The following CDH18 variants were observed in gnomAD, a reference collection of about 807,000 sequenced individuals.
The protein encoded by CDH18 is cadherin-18.
In CDH18, 31 loss-of-function variants were observed where a neutral mutation model predicts 67.9. The observed-to-expected ratio is 0.46, with a 90% CI of 0.34 to 0.62. The LOEUF (loss-of-function observed/expected upper bound fraction) is 0.62. CDH18 is among the 20% of genes least tolerant of loss of function. CDH18 has a pLI of 0.01. For missense variants in CDH18, 890 were observed against 975.5 expected (o/e 0.91, Z 1.17); for synonymous variants, 362 against 347.2 (o/e 1.04, Z -0.48).
intron 1 of CDH18, among the ~76,000 whole-genome samples, chr5:20,534,792 C>A (rs1046243255): frequency 2.6e-5 from 4 of 151,664 alleles, no homozygotes; most frequent in African/African-American, 9.7e-5. Flanking sequence ...TCCTTGATTA[C>A]TGACTTCTGA....
At chr5:19,753,363 T>C (rs758079020) in intron 3 of CDH18, among the ~76,000 whole-genome samples, 9 of 152,212 alleles carry the variant, frequency 5.9e-5, no homozygotes, top group Middle Eastern at 3.4e-3. Flanking sequence ...TCAGGAAACA[T>C]TGGACACAGA....
In CDH18 at chr5:20,071,358, G is replaced by T. The variant is rs187166025; in HGVS notation, c.-517-79344C>A. 2.0e-3 allele frequency among the ~76,000 whole-genome samples: 299 copies of T among 152,090 alleles called. 2 individuals carry two copies. Among genetic ancestry groups the T allele is most frequent in the African/African-American group, 7.0e-3 (289 of 41,524 alleles). ...AAACTCCCCCCAAACAAGGAAAAGA[G>T]ATATGTTAAAATGACACAAGCTAAA... On this transcript the variant is annotated intron_variant, in intron 2 of 14. Transcript: ENST00000507958.
At position 20,096,032 on chromosome 5, in the gene CDH18, T is replaced by C. The variant is rs1318712122; in HGVS notation, c.-517-104018A>G. Among the ~76,000 whole-genome samples, 4 of 152,026 alleles carry C rather than the reference T, an allele frequency of 2.6e-5. No individual in the cohort carries two copies. In the East Asian group the frequency reaches 5.8e-4, roughly 22 times the overall value. The stretch of plus-strand genomic sequence containing the variant: ...GCGATTTGAAAGGAGAGCTTATATA[T>C]GTTACATTAGAATCAAAGAAGCAAA... On this transcript the variant is annotated intron_variant, in intron 2 of 14. Coordinates refer to the CDH18 transcript ENST00000507958.
chr5:20,445,592 G>A (rs1366700240), intron 1 of CDH18, among the ~76,000 whole-genome samples: 1 of 152,186 alleles, frequency 6.6e-6, no homozygotes, highest in East Asian at 1.9e-4. Flanking sequence ...AAGACTGAAT[G>A]TGAAATTTCT....
At chr5:20,343,222 G>A (rs548346154) in intron 1 of CDH18, among the ~76,000 whole-genome samples, 1 of 152,164 alleles carries the variant, frequency 6.6e-6, no homozygotes, top group Non-Finnish European at 1.5e-5. Flanking sequence ...GTAGAGCCCT[G>A]GCATTGGCTA....
chr5:20,539,997 T>G (rs1270338041), intron 1 of CDH18, among the ~76,000 whole-genome samples: 1 of 152,214 alleles, frequency 6.6e-6, no homozygotes, highest in Non-Finnish European at 1.5e-5. Context: ...TTATTAAACC[T>G]AATAAACTGC....
At chr5:20,501,137 C>T (rs537353032) in intron 1 of CDH18, among the ~76,000 whole-genome samples, 49 of 152,128 alleles carry the variant, frequency 3.2e-4, no homozygotes, top group African/African-American at 1.1e-3. Context: ...AGTGACTTTA[C>T]TTCCCTTATA....
At chr5:19,859,980 T>A (rs1368230955) in intron 2 of CDH18, among the ~76,000 whole-genome samples, 3 of 95,294 alleles carry the variant, frequency 3.1e-5, no homozygotes, top group Admixed American at 2.2e-4. Context: ...AATTTACTTG[T>A]TTGCTTTGGG....
At chr5:20,570,944 T>C (rs1282209259) in intron 1 of CDH18, among the ~76,000 whole-genome samples, 2 of 152,178 alleles carry the variant, frequency 1.3e-5, no homozygotes, top group East Asian at 1.9e-4. Flanking sequence ...TCATTGATCA[T>C]AGCAACAAGA....
At chr5:19,713,022 T>C (rs183615286) in intron 5 of CDH18, among the ~76,000 whole-genome samples, 1 of 151,992 alleles carries the variant, frequency 6.6e-6, no homozygotes, top group Non-Finnish European at 1.5e-5. Flanking sequence ...CTGTTATCTA[T>C]TGATTTAATA....
intron 10 of CDH18, among the ~76,000 whole-genome samples, chr5:19,512,683 C>G (rs76495967): frequency 6.6e-6 from 1 of 152,222 alleles, no homozygotes; most frequent in African/African-American, 2.4e-5. Context: ...AGCATTGTCA[C>G]GGTTGTTGCT....
At chr5:19,698,655 A>G (rs959908554) in intron 5 of CDH18, among the ~76,000 whole-genome samples, 1 of 152,134 alleles carries the variant, frequency 6.6e-6, no homozygotes, top group African/African-American at 2.4e-5. Flanking sequence ...TACTCTTAAA[A>G]ATGGAATAGT....
At chr5:19,947,920 A>C (rs73059702) in intron 2 of CDH18, among the ~76,000 whole-genome samples, 20,614 of 152,162 alleles carry the variant, frequency 0.14, 4,063 homozygotes, top group African/African-American at 0.44. Context: ...TAAACTCTCA[A>C]ATCTCACAGT....
intron 1 of CDH18, among the ~76,000 whole-genome samples, chr5:20,389,541 C>T (rs1744643074): frequency 1.3e-5 from 2 of 151,842 alleles, no homozygotes; most frequent in South Asian, 4.2e-4. Context: ...GAGCATTTAG[C>T]CCAGAAAATG....
chr5:19,792,677 T>C (rs1486718833), intron 3 of CDH18, among the ~76,000 whole-genome samples: 2 of 152,190 alleles, frequency 1.3e-5, no homozygotes, highest in Non-Finnish European at 2.9e-5. Flanking sequence ...AGAAGTATTG[T>C]CATTGCACCA....
chr5:19,961,367 A>T (rs1796888380), intron 2 of CDH18, among the ~76,000 whole-genome samples: 1 of 152,010 alleles, frequency 6.6e-6, no homozygotes. Context: ...TCGGCCTCCC[A>T]AACCGCAAGG....
At chr5:19,992,996 G>C (rs1459783340), upstream of CDH18, among the ~76,000 whole-genome samples, 1 of 152,162 alleles carries the variant, frequency 6.6e-6, no homozygotes, top group East Asian at 1.9e-4. Context: ...CCAATAGATA[G>C]CTGTAGAGCT....
At chr5:19,670,784 C>A (rs974728768) in intron 5 of CDH18, among the ~76,000 whole-genome samples, 1 of 151,908 alleles carries the variant, frequency 6.6e-6, no homozygotes, top group South Asian at 2.1e-4. Context: ...GACAAATGAC[C>A]ATTAATGTAT....
intron 5 of CDH18, among the ~76,000 whole-genome samples, chr5:19,642,065 G>A (rs1754080510): frequency 6.6e-6 from 1 of 151,796 alleles, no homozygotes; most frequent in Admixed American, 6.6e-5. Flanking sequence ...ATTTGAAAAA[G>A]AAATGGAAGA....
Sources: gnomAD v4.1 joint callset for allele counts (sites outside exome capture counted in the v4.1 genomes callset) on GRCh38, gnomAD v4.1.1 for gene constraint, MANE v1.5 for transcripts, NCBI Gene and HGNC (gene_info 2026-07-23, HGNC 2026-07-21) for gene names.